Variants in TEAD2 observed in about 807,000 individuals in gnomAD.
The protein encoded by TEAD2 is transcriptional enhancer factor TEF-4.
TEAD2 carries 51 observed loss-of-function variants against 61.4 expected under a neutral mutation model. The ratio of observed to expected loss-of-function variants is 0.83; its 90% CI spans 0.66 to 1.05. The LOEUF (loss-of-function observed/expected upper bound fraction) is 1.05. Ranked by LOEUF, TEAD2 falls within the 50% of genes least tolerant of loss-of-function variation. TEAD2 has a pLI of 0.00. For synonymous variants in TEAD2, 244 were observed against 243.2 expected, an observed-to-expected ratio of 1.00 and a Z score of -0.03; for missense variants, 509 against 600.0, an observed-to-expected ratio of 0.85 and a Z score of 1.58.
At chr19:49,353,954 T>TA (rs57972114) in intron 7 of TEAD2, among the ~76,000 whole-genome samples, 4,652 of 129,164 alleles carry the variant, frequency 0.036, 188 homozygotes, top group African/African-American at 0.12. Context: ...CTAATTGTTT[T>TA]TTGTTTTTTT....
intron 4 of TEAD2, 64 bp from the exon 5 acceptor site, chr19:49,356,034 C>T: frequency 8.3e-7 from 1 of 1,208,682 alleles, no homozygotes; most frequent in Non-Finnish European, 1.0e-6. Flanking sequence ...GAAGTACGGC[C>T]CGGACTCCCC....
At chr19:49,350,307 T>C (rs895056399) in intron 8 of TEAD2, among the ~76,000 whole-genome samples, 4 of 152,100 alleles carry the variant, frequency 2.6e-5, no homozygotes, top group African/African-American at 9.7e-5. Flanking sequence ...ATTTTTCTTA[T>C]TATTTTTTAT....
intron 10 of TEAD2, among the ~76,000 whole-genome samples, chr19:49,346,599 G>A (rs574972433): frequency 3.3e-5 from 5 of 152,174 alleles, no homozygotes; most frequent in South Asian, 2.1e-4. Flanking sequence ...GGAGGTTGCC[G>A]TGAGCCAAGA....
intron 1 of TEAD2, 98 bp from the exon 2 acceptor site, chr19:49,360,179 A>T: frequency 1.0e-6 from 1 of 985,158 alleles, no homozygotes; most frequent in East Asian, 2.6e-5. Context: ...GGTCTGAGGG[A>T]GGAGGGGCTG....
chr19:49,361,159 G>GA (rs200028466), intron 1 of TEAD2, among the ~76,000 whole-genome samples: 1 of 99,636 alleles, frequency 1.0e-5, no homozygotes, highest in Non-Finnish European at 2.0e-5. Flanking sequence ...AGAGACCGGG[G>GA]GGGGGGGACA....
At chr19:49,350,805 A>G (rs1046339801) in intron 8 of TEAD2, among the ~76,000 whole-genome samples, 1 of 151,858 alleles carries the variant, frequency 6.6e-6, no homozygotes, top group Non-Finnish European at 1.5e-5. Context: ...CACCAGTTCC[A>G]CCACTCAGCT....
intron 7 of TEAD2, among the ~76,000 whole-genome samples, chr19:49,352,479 C>G (rs1263879042): frequency 6.6e-6 from 1 of 152,132 alleles, no homozygotes; most frequent in African/African-American, 2.4e-5. Context: ...GAGGCCAAGG[C>G]AGGAAGATCG....
At chr19:49,342,884 T>A (rs1410356775) in intron 11 of TEAD2, among the ~76,000 whole-genome samples, 8 of 152,062 alleles carry the variant, frequency 5.3e-5, no homozygotes, top group Admixed American at 5.2e-4. Context: ...GACCCCTCCA[T>A]GACGTCTTCA....
chr19:49,360,152 G>A, intron 1 of TEAD2, 71 bp from the exon 2 acceptor site: 1 of 1,283,610 alleles, frequency 7.8e-7, no homozygotes, highest in Non-Finnish European at 1.1e-6. Flanking sequence ...TGAGAGGGCT[G>A]GGACTCTGGA....
intron 5 of TEAD2, 147 bp downstream of exon 5, chr19:49,355,812 C>A (rs1453121167): frequency 1.4e-5 from 10 of 702,584 alleles, no homozygotes; most frequent in Non-Finnish European, 2.1e-5. Context: ...GGCGACAGAG[C>A]AAGACCCTGT....
chr19:49,359,363 C>A lies in TEAD2; in HGVS notation c.297+72G>T. ...AAGCAGCTTCTTCCTTGAACCTGAACCTGCCCATGCGAGGATGACCCTAAG... is the reference window on the plus strand; with the variant it reads ...AAGCAGCTTCTTCCTTGAACCTGAAACTGCCCATGCGAGGATGACCCTAAG... On this transcript the variant is annotated intron_variant, in intron 3 of 12. Coordinates refer to ENST00000593945, the MANE Select transcript of TEAD2 (RefSeq NM_001256660.2). The surrounding 1 kb of genome is among the most constrained non-coding windows in gnomAD (Gnocchi z 4.1). 4 of 1,435,076 alleles carry A rather than the reference C, an allele frequency of 2.8e-6. No homozygotes were observed. The South Asian group carries it at 4.6e-5, about 17-fold the overall frequency. The allele number at this position is 1,435,076 out of a possible 1,614,324, so 88.9% of individuals were successfully genotyped here.
chr19:49,343,421 T>C, intron 10 of TEAD2, 23 bp from the exon 11 acceptor site: 2 of 1,588,236 alleles, frequency 1.3e-6, no homozygotes, highest in Non-Finnish European at 1.7e-6. Flanking sequence ...AAGGCACAGA[T>C]GAGTCAGAGG....
chr19:49,343,433 G>A, intron 10 of TEAD2, 35 bp from the exon 11 acceptor site: 2 of 1,572,788 alleles, frequency 1.3e-6, no homozygotes, highest in Non-Finnish European at 1.7e-6. Context: ...AGTCAGAGGG[G>A]ACATCCCTTA....
rs1454466019 is a variant in TEAD2, at chr19:49,341,577, C to T, written c.1243-140G>A. ...ACAGGCCGCCACCATATCATGTTCC[C>T]CAGGAGAAAGGGATGCCCAAAAGTC... is the stretch of plus-strand genomic sequence containing the variant. On this transcript the variant is annotated intron_variant, in intron 12 of 12. Coordinates refer to ENST00000593945, the MANE Select transcript of TEAD2 (RefSeq NM_001256660.2). The surrounding 1 kb of genome is among the most constrained non-coding windows in gnomAD (Gnocchi z 4.2). 6 of 697,120 alleles carry T rather than the reference C, an allele frequency of 8.6e-6. No individual in the cohort carries two copies. The highest frequency in any genetic ancestry group is 1.5e-5 in the Non-Finnish European group (6 of 406,164). The allele number at this position is 697,120 out of a possible 1,614,324, so 43.2% of individuals were successfully genotyped here. A position where few individuals can be genotyped will look rare whatever the true frequency, so the allele number is the denominator to read the frequency against.
At position 49,342,449 on chromosome 19, in the gene TEAD2, T is replaced by C; in HGVS notation, c.1231A>G (p.Thr411Ala). Residue 411 changes from threonine (T) to alanine (A), a missense_variant, in exon 12 of 13, where the codon ACC becomes GCC. Coordinates refer to ENST00000593945, the MANE Select transcript of TEAD2 (RefSeq NM_001256660.2). ...GCCCCAGGCATCACCTGGAGGATGG[T>C]GAAGTTTTCCAGGACGCTGTTCATC... ...YMMNSVLENF[T>A]ILQVVTNRDT... is the part of the protein sequence containing the mutation. 1.2e-6 allele frequency: 2 copies of C among 1,613,402 alleles called. No homozygotes were observed. Among genetic ancestry groups the C allele is most frequent in the Non-Finnish European group, 1.7e-6 (2 of 1,179,440 alleles).
chr19:49,355,718 T>C (rs1353050331), intron 5 of TEAD2, among the ~76,000 whole-genome samples: 1 of 151,912 alleles, frequency 6.6e-6, no homozygotes, highest in South Asian at 2.1e-4. Context: ...TCCCAGCTAC[T>C]AGGGAAGCTA....
In TEAD2 at chr19:49,358,520, C is replaced by A. The variant is rs556814071; in HGVS notation, c.297+915G>T. The stretch of plus-strand genomic sequence containing the variant: ...TGTGCCAGGCCTGCTCCCACTACCC[C>A]CTCCGCCATGATTGGAGGCTTCCTG... On this transcript the variant is annotated intron_variant, in intron 3 of 12. Transcript: ENST00000593945. 9.8e-5 allele frequency among the ~76,000 whole-genome samples: 15 copies of A among 152,336 alleles called. No homozygotes were observed. In the East Asian group the frequency reaches 2.5e-3, roughly 25 times the overall value.
chr19:49,351,015 C>T (rs532998350), intron 8 of TEAD2, among the ~76,000 whole-genome samples: 1 of 152,086 alleles, frequency 6.6e-6, no homozygotes, highest in African/African-American at 2.4e-5. Flanking sequence ...CCGATCTCTA[C>T]TAAAAATACA....
chr19:49,341,585 A>C lies in TEAD2; in HGVS notation c.1243-148T>G. On this transcript the variant is annotated intron_variant, in intron 12 of 12. Coordinates refer to ENST00000593945, the MANE Select transcript of TEAD2 (RefSeq NM_001256660.2). The surrounding 1 kb of genome is among the most constrained non-coding windows in gnomAD (Gnocchi z 4.2). ...CCACCATATCATGTTCCCCAGGAGA[A>C]AGGGATGCCCAAAAGTCAGTTCCCT... 1.5e-6 allele frequency: 1 copy of C among 673,956 alleles called. No homozygotes were observed. Among genetic ancestry groups the C allele is most frequent in the Non-Finnish European group, 2.6e-6 (1 of 388,718 alleles). 41.7% of individuals were successfully genotyped at this position (673,956 alleles called of 1,614,324 possible).
Sources: gnomAD v4.1 joint callset for allele counts (sites outside exome capture counted in the v4.1 genomes callset) on GRCh38, gnomAD v4.1.1 for gene constraint, Gnocchi (gnomAD v3.1) non-coding constraint, MANE v1.5 for transcripts, NCBI Gene and HGNC (gene_info 2026-07-23, HGNC 2026-07-21) for gene names.